Variants in SIK3 observed in about 807,000 individuals in gnomAD.
SIK3 encodes SIK family kinase 3, also known as serine/threonine-protein kinase SIK3.
A neutral mutation model predicts 144.2 loss-of-function variants in SIK3; 28 were observed. The ratio of observed to expected loss-of-function variants is 0.19; its 90% CI spans 0.14 to 0.27. The LOEUF is 0.27. Among genes scored for constraint, SIK3 ranks in the 10% least tolerant of loss-of-function variants. SIK3 has a pLI of 1.00. For synonymous variants in SIK3, 686 were observed against 676.3 expected (o/e 1.01, Z -0.22); for missense variants, 1,319 against 1,776.0 (o/e 0.74, Z 4.62).
chr11:116,877,418 T>C (rs1374639744), intron 6 of SIK3, among the ~76,000 whole-genome samples: 1 of 152,210 alleles, frequency 6.6e-6, no homozygotes, highest in Admixed American at 6.5e-5. Context: ...GTTCTCAAAA[T>C]ATTCAGTTCT....
intron 4 of SIK3, among the ~76,000 whole-genome samples, chr11:116,922,917 T>C (rs866421520): frequency 0.011 from 1,021 of 96,734 alleles, 22 homozygotes; most frequent in African/African-American, 0.036. Context: ...CTTTTTTTTT[T>C]TTTTTTTTTT....
At chr11:116,931,035 A>C (rs1230188261) in intron 3 of SIK3, among the ~76,000 whole-genome samples, 1 of 152,090 alleles carries the variant, frequency 6.6e-6, no homozygotes, top group South Asian at 2.1e-4. Context: ...AAAACAAAGT[A>C]AAAAAAAGTA....
intron 1 of SIK3, among the ~76,000 whole-genome samples, chr11:116,982,360 T>A (rs1950170621): frequency 6.6e-6 from 1 of 151,320 alleles, no homozygotes; most frequent in South Asian, 2.1e-4. Context: ...GCAATCTCAG[T>A]TCACTGCAAC....
chr11:116,987,508 C>T (rs996044524), intron 1 of SIK3, among the ~76,000 whole-genome samples: 1 of 152,002 alleles, frequency 6.6e-6, no homozygotes, highest in South Asian at 2.1e-4. Context: ...TAAACAAGAT[C>T]CTTGGGGCAG....
intron 3 of SIK3, among the ~76,000 whole-genome samples, chr11:116,952,716 T>C (rs1948986703): frequency 6.6e-6 from 1 of 152,200 alleles, no homozygotes; most frequent in African/African-American, 2.4e-5. Context: ...TTCAAAGTAA[T>C]ATGTTGATTT....
At chr11:117,046,881 A>AAAAC (rs897737749) in intron 1 of SIK3, among the ~76,000 whole-genome samples, 1 of 152,198 alleles carries the variant, frequency 6.6e-6, no homozygotes, top group Non-Finnish European at 1.5e-5. Flanking sequence ...CCCTGTCTTA[A>AAAAC]AAACAAACAA....
At chr11:117,023,463 A>C (rs956745420) in intron 1 of SIK3, among the ~76,000 whole-genome samples, 1 of 148,922 alleles carries the variant, frequency 6.7e-6, no homozygotes, top group African/African-American at 2.5e-5. Context: ...CTCAAGCTGG[A>C]ATCACAATCA....
Position 116,858,518 on chromosome 11 carries a change from C to T in SIK3, c.2947G>A (p.Ala983Thr). Residue 983 changes from alanine to threonine, a missense_variant, in exon 21 of 25, where the codon GCA (alanine) becomes ACA (threonine). Ala to Thr is a moderately conservative substitution (Grantham distance 58). Around this residue, in one of 8 missense-constraint regions of SIK3, gnomAD observed 646 missense variants for 763.7 expected, o/e 0.85. Transcript: ENST00000445177. This position sits in a 1 kb window ranked among gnomAD's most constrained non-coding sequence, Gnocchi z 5.4. ...GTATAGTGTGGCGGCTGCTGATGTG[C>T]ACTGGGAGGGAAGGTGGGGAATTGG... ...LDQFPTFPPSAHQQPPHYTTS... is the reference protein window; with the variant it reads ...LDQFPTFPPSTHQQPPHYTTS... The T allele has an allele frequency of 6.2e-7, 1 of 1,612,292 alleles. No individual in the cohort carries two copies. The highest frequency in any genetic ancestry group is 2.2e-5 in the East Asian group (1 of 44,858).
chr11:116,959,421 A>C (rs1328643544), intron 1 of SIK3, among the ~76,000 whole-genome samples: 1 of 152,230 alleles, frequency 6.6e-6, no homozygotes, highest in African/African-American at 2.4e-5. Flanking sequence ...GATGTGCAAA[A>C]GGTGGGAAGA....
At chr11:117,055,829 G>T (rs987321869) in intron 1 of SIK3, among the ~76,000 whole-genome samples, 4 of 152,204 alleles carry the variant, frequency 2.6e-5, no homozygotes, top group Non-Finnish European at 5.9e-5. Context: ...TTGATGGAGG[G>T]AGTTACTCCC....
In SIK3 at chr11:116,873,654, G is replaced by C. The variant is rs779361709; in HGVS notation, c.1582-18C>G. ...GACTGCTCCTGCCAGGAACAGAGTG[G>C]GGAGGACGGACCATGAGATGAGGGG... On this transcript the variant is annotated intron_variant, in intron 12 of 24. Coordinates refer to ENST00000445177, the MANE Select transcript of SIK3 (RefSeq NM_001366686.3). 7.2e-6 allele frequency: 11 copies of C among 1,532,898 alleles called. No homozygotes were observed. The highest frequency in any genetic ancestry group is 8.7e-6 in the Non-Finnish European group (10 of 1,144,814). The allele number at this position is 1,532,898 out of a possible 1,614,324, so 95.0% of individuals were successfully genotyped here.
intron 6 of SIK3, among the ~76,000 whole-genome samples, chr11:116,886,948 C>T (rs916805772): frequency 6.6e-6 from 1 of 152,154 alleles, no homozygotes; most frequent in Non-Finnish European, 1.5e-5. Context: ...TATCAAACTG[C>T]TCTTTGGGAT....
chr11:116,979,507 T>A (rs1319405066), intron 1 of SIK3, among the ~76,000 whole-genome samples: 2 of 152,150 alleles, frequency 1.3e-5, no homozygotes, highest in African/African-American at 4.8e-5. Flanking sequence ...GTGGCCAAAT[T>A]ATAAGTGTAA....
At chr11:117,087,836 TG>T (rs1955081068) in intron 1 of SIK3, among the ~76,000 whole-genome samples, 1 of 152,090 alleles carries the variant, frequency 6.6e-6, no homozygotes, top group Non-Finnish European at 1.5e-5. Flanking sequence ...ATCAAAGACT[TG>T]TGCACAACAA....
rs941398848 is a variant in SIK3 at position 117,086,430 on chromosome 11, G to A, written c.273+11713C>T. The stretch of plus-strand genomic sequence containing the variant: ...TGGTAGGCTGGGTGCAGTGGCTCAC[G>A]CCTATAATCCCAGCACTCTGGGAGG... On this transcript the variant is annotated intron_variant, in intron 1 of 24. Coordinates refer to ENST00000445177, the MANE Select transcript of SIK3 (RefSeq NM_001366686.3). Among the ~76,000 whole-genome samples the A allele has an allele frequency of 1.8e-4, 27 of 152,230 alleles. 1 individual carries two copies. Among genetic ancestry groups the A allele is most frequent in the African/African-American group, 6.5e-4 (27 of 41,544 alleles).
chr11:116,863,538 A>T, intron 16 of SIK3, 130 bp downstream of exon 16: 1 of 1,364,798 alleles, frequency 7.3e-7, no homozygotes, highest in Non-Finnish European at 1.0e-6. Context: ...CCAGAAAGCT[A>T]TACTTTTTTA....
chr11:117,026,454 G>A (rs901544094), intron 1 of SIK3, among the ~76,000 whole-genome samples: 2 of 152,124 alleles, frequency 1.3e-5, no homozygotes, highest in African/African-American at 4.8e-5. Context: ...TGGTTGTTAA[G>A]GCACTAATGA....
intron 1 of SIK3, among the ~76,000 whole-genome samples, chr11:117,080,962 A>T (rs1954758465): frequency 6.6e-6 from 1 of 152,094 alleles, no homozygotes; most frequent in Admixed American, 6.6e-5. Context: ...ATAAAACAAT[A>T]TCTAGAAACA....
chr11:116,875,940 G>A lies in SIK3; in HGVS notation c.1165C>T (p.His389Tyr). The A allele has an allele frequency of 1.2e-6, 2 of 1,613,316 alleles. No homozygotes were observed. Among genetic ancestry groups the A allele is most frequent in the Non-Finnish European group, 1.7e-6 (2 of 1,179,832 alleles). The change falls in exon 9 of 25, where the codon CAT becomes TAT. Residue 389 changes from histidine to tyrosine, a missense_variant. Physicochemically the swap from His to Tyr is moderately conservative, Grantham distance 83. Coordinates refer to ENST00000445177, the MANE Select transcript of SIK3 (RefSeq NM_001366686.3). ...AGTGCTCCGAGACGCAGGGTTTTAT[G>A]TCTCTTATGTCGATCACACAGCAGG... ...YSLLCDRHKRHKTLRLGALPS... is the reference protein window; with the variant it reads ...YSLLCDRHKRYKTLRLGALPS...
Sources: allele counts gnomAD v4.1 joint callset (sites outside exome capture counted in the v4.1 genomes callset), GRCh38; gene constraint gnomAD v4.1.1; regional missense constraint gnomAD v4.1.1; non-coding constraint Gnocchi (gnomAD v3.1); transcripts MANE v1.5; gene names NCBI Gene and HGNC (gene_info 2026-07-23, HGNC 2026-07-21).